Variants in APLF observed in about 807,000 individuals in gnomAD.
The protein encoded by APLF is aprataxin and PNK-like factor.
Under a neutral mutation model 55.6 loss-of-function variants are expected in APLF, and 61 were observed. The ratio of observed to expected loss-of-function variants is 1.10; its 90% CI spans 0.89 to 1.36. The LOEUF (loss-of-function observed/expected upper bound fraction) is 1.36, where lower values mean the gene tolerates loss of function less well. Among genes scored for constraint, APLF ranks in the 40% most tolerant of loss-of-function variants. The pLI is 0.00. For synonymous variants in APLF, 207 were observed against 214.8 expected (o/e 0.96, Z 0.32); for missense variants, 611 against 602.5 (o/e 1.01, Z -0.15).
At chr2:68,561,532 C>T (rs901181110) in intron 8 of APLF, among the ~76,000 whole-genome samples, 6 of 151,990 alleles carry the variant, frequency 3.9e-5, no homozygotes, top group East Asian at 1.9e-4. Flanking sequence ...TCTTACAATG[C>T]GGAGCAGTCT....
intron 1 of APLF, among the ~76,000 whole-genome samples, chr2:68,477,321 T>G (rs1486913740): frequency 6.6e-6 from 1 of 152,144 alleles, no homozygotes; most frequent in Admixed American, 6.5e-5. Flanking sequence ...AACTCTCCAG[T>G]AAATTGTATA....
chr2:68,524,347 C>T (rs1341680521), intron 5 of APLF, among the ~76,000 whole-genome samples: 1 of 152,090 alleles, frequency 6.6e-6, no homozygotes, highest in Admixed American at 6.5e-5. Flanking sequence ...CATTTCTTTC[C>T]TGAACTTAAT....
Position 68,566,457 on chromosome 2 carries a change from G to A in APLF, c.1287-884G>A, listed in dbSNP as rs114323957. On this transcript the variant is annotated intron_variant, in intron 8 of 9. Coordinates refer to ENST00000303795, the MANE Select transcript of APLF (RefSeq NM_173545.3). ...ATATTTTATCCTCATTGCCTGCTTA[G>A]AGCCGGAATATAGTGAAACATTCAG... 7.3e-3 allele frequency among the ~76,000 whole-genome samples: 1,112 copies of A among 152,166 alleles called. 11 individuals carry two copies. The highest frequency in any genetic ancestry group is 0.026 in the African/African-American group (1,061 of 41,540).
chr2:68,577,728 T>G (rs1226491858), intron 9 of APLF, 92 bp from the exon 10 acceptor site: 7 of 1,469,944 alleles, frequency 4.8e-6, no homozygotes, highest in African/African-American at 4.2e-5. Context: ...AAATTAATCC[T>G]CTGGATGCAG....
intron 7 of APLF, among the ~76,000 whole-genome samples, chr2:68,543,300 A>T (rs1273873832): frequency 6.6e-6 from 1 of 152,198 alleles, no homozygotes; most frequent in Admixed American, 6.5e-5. Flanking sequence ...AACTGTGCAC[A>T]TAGAAATTGT....
intron 7 of APLF, among the ~76,000 whole-genome samples, chr2:68,542,364 A>G (rs1164200314): frequency 6.6e-6 from 1 of 152,228 alleles, no homozygotes; most frequent in Non-Finnish European, 1.5e-5. Context: ...GAGTGAAATG[A>G]CAACCTATGG....
chr2:68,561,472 C>T (rs1671165645), intron 8 of APLF, among the ~76,000 whole-genome samples: 1 of 152,090 alleles, frequency 6.6e-6, no homozygotes, highest in Non-Finnish European at 1.5e-5. Context: ...TTGTGGAGGA[C>T]TCTTGGTGTT....
intron 6 of APLF, among the ~76,000 whole-genome samples, chr2:68,530,032 G>A (rs1670204486): frequency 6.6e-6 from 1 of 152,220 alleles, no homozygotes; most frequent in South Asian, 2.1e-4. Context: ...CCAAAGAGAG[G>A]ACGCGGTGCC....
intron 8 of APLF, among the ~76,000 whole-genome samples, chr2:68,549,041 AAT>A (rs1670785656): frequency 6.6e-6 from 1 of 152,042 alleles, no homozygotes; most frequent in East Asian, 1.9e-4. Flanking sequence ...AATATTATTC[AAT>A]ATCCTGTCAA....
intron 5 of APLF, among the ~76,000 whole-genome samples, chr2:68,524,480 A>G (rs1009595862): frequency 2.6e-5 from 4 of 152,208 alleles, no homozygotes; most frequent in Admixed American, 2.0e-4. Context: ...GAACATGGCC[A>G]TGGTCAGCCA....
At chr2:68,551,383 T>C (rs72901997) in intron 8 of APLF, among the ~76,000 whole-genome samples, 11,601 of 152,058 alleles carry the variant, frequency 0.076, 1,278 homozygotes, top group African/African-American at 0.24. Flanking sequence ...AGTTAATGCC[T>C]TTTATTAGTT....
chr2:68,526,172 C>T lies in APLF; in HGVS notation c.734C>T (p.Thr245Ile), dbSNP rs145408861. The stretch of plus-strand genomic sequence containing the variant: ...ATTTCATCAGGAAGTTCAGAAAATA[C>T]ATCAGCAGAACAAGACACAGGAGAA... The part of the protein sequence containing the change: ...QLISSGSSEN[T>I]SAEQDTGEEC... The change falls in exon 6 of 10, where the codon ACA becomes ATA. Residue 245 changes from threonine (T) to isoleucine (I), a missense_variant. Transcript: ENST00000303795. 5 of 1,613,836 alleles carry T rather than the reference C, an allele frequency of 3.1e-6. No homozygotes were observed. Among genetic ancestry groups the T allele is most frequent in the African/African-American group, 1.3e-5 (1 of 74,896 alleles).
chr2:68,512,152 T>C, intron 3 of APLF, among the ~76,000 whole-genome samples: 1 of 151,698 alleles, frequency 6.6e-6, no homozygotes. Context: ...TAGAGTGAGA[T>C]ATAGAACATT....
At chr2:68,532,212 G>C (rs999731274) in intron 6 of APLF, among the ~76,000 whole-genome samples, 7 of 152,200 alleles carry the variant, frequency 4.6e-5, no homozygotes, top group African/African-American at 1.2e-4. Flanking sequence ...CAAGAGGCTA[G>C]GTTCACCTAT....
intron 5 of APLF, among the ~76,000 whole-genome samples, chr2:68,522,359 A>C (rs1217163300): frequency 6.6e-6 from 1 of 151,876 alleles, no homozygotes; most frequent in Non-Finnish European, 1.5e-5. Context: ...AATGTAATAT[A>C]CTATGCTTGT....
At position 68,545,207 on chromosome 2, in the gene APLF, A is replaced by C. The variant is rs1192008358; in HGVS notation, c.1181A>C (p.Gln394Pro). ...NCYRKNPVHFQHFSHPGDSDY... is the reference protein window; with the variant it reads ...NCYRKNPVHFPHFSHPGDSDY... Reference sequence around the variant, plus strand: ...CCTAGGAAGAATCCTGTTCATTTTCAACATTTTAGCCATCCTGGTGATAGT... The same window carrying C: ...CCTAGGAAGAATCCTGTTCATTTTCCACATTTTAGCCATCCTGGTGATAGT... Residue 394 changes from glutamine to proline, a missense_variant, in exon 8 of 10, where the codon CAA (glutamine) becomes CCA (proline). By Grantham distance (76) the Gln-to-Pro change is moderately conservative. Transcript: ENST00000303795. The C allele has an allele frequency of 6.2e-7, 1 of 1,613,596 alleles. No individual in the cohort carries two copies. The highest frequency in any genetic ancestry group is 8.5e-7 in the Non-Finnish European group (1 of 1,179,716).
At chr2:68,516,612 C>A (rs895733528) in intron 5 of APLF, among the ~76,000 whole-genome samples, 12 of 150,690 alleles carry the variant, frequency 8.0e-5, no homozygotes, top group African/African-American at 2.9e-4. Context: ...CCCAAGCCCT[C>A]AAAGTCTGTG....
At position 68,513,656 on chromosome 2, in the gene APLF, C is replaced by G. The variant is rs558767335; in HGVS notation, c.598C>G (p.Leu200Val). ...AGCAGAACATTTAAGTGATCAAAACCTTTCAGTACCAGCAATCAGTGGAGG... is the reference window on the plus strand; with the variant it reads ...AGCAGAACATTTAAGTGATCAAAACGTTTCAGTACCAGCAATCAGTGGAGG... ...MLAEHLSDQN[L>V]SVPAISGGNV... The change falls in exon 5 of 10, where the codon CTT (leucine) becomes GTT (valine). Residue 200 changes from leucine (L) to valine (V), a missense_variant. Leu to Val is a conservative substitution (Grantham distance 32). Transcript: ENST00000303795. The G allele has an allele frequency of 2.5e-6, 4 of 1,611,008 alleles. No individual in the cohort carries two copies. Among genetic ancestry groups the G allele is most frequent in the East Asian group, 4.5e-5 (2 of 44,772 alleles).
chr2:68,472,232 T>G (rs190756467), intron 1 of APLF, among the ~76,000 whole-genome samples: 1 of 152,214 alleles, frequency 6.6e-6, no homozygotes, highest in Admixed American at 6.5e-5. Flanking sequence ...TCTTAATTGA[T>G]TATCTCCTGG....
Sources: allele counts gnomAD v4.1 joint callset (sites outside exome capture counted in the v4.1 genomes callset), GRCh38; gene constraint gnomAD v4.1.1; transcripts MANE v1.5; gene names NCBI Gene and HGNC (gene_info 2026-07-23, HGNC 2026-07-21).